PTPRD: variants seen among roughly 807,000 people sequenced by gnomAD.
PTPRD encodes receptor-type tyrosine-protein phosphatase delta.
In PTPRD, 34 loss-of-function variants were observed where a neutral mutation model predicts 214.5. The ratio of observed to expected loss-of-function variants is 0.16; its 90% CI spans 0.12 to 0.21. The LOEUF is 0.21. Among genes scored for constraint, PTPRD ranks in the 10% least tolerant of loss-of-function variants. The pLI is 1.00. For synonymous variants in PTPRD, 1,128 were observed against 845.7 expected, an observed-to-expected ratio of 1.33 and a Z score of -5.79; for missense variants, 2,545 against 2,398.7, an observed-to-expected ratio of 1.06 and a Z score of -1.27.
chr9:8,677,175 A>C (rs1344198254), intron 12 of PTPRD, among the ~76,000 whole-genome samples: 1 of 152,194 alleles, frequency 6.6e-6, no homozygotes, highest in East Asian at 1.9e-4. Context: ...CTAAACTGGA[A>C]ATCTCAACAA....
chr9:9,978,024 G>A (rs546864975), intron 4 of PTPRD, among the ~76,000 whole-genome samples: 1 of 151,860 alleles, frequency 6.6e-6, no homozygotes, highest in African/African-American at 2.4e-5. Context: ...AAGTCAAAGA[G>A]AACTATCAAA....
chr9:9,820,342 G>C (rs1338301098), intron 5 of PTPRD, among the ~76,000 whole-genome samples: 2 of 151,814 alleles, frequency 1.3e-5, no homozygotes, highest in Non-Finnish European at 2.9e-5. Context: ...GGCTGTTTTT[G>C]GTTGTTCAAT....
At chr9:8,979,329 G>T (rs531701109) in intron 11 of PTPRD, among the ~76,000 whole-genome samples, 129 of 152,180 alleles carry the variant, frequency 8.5e-4, no homozygotes, top group Non-Finnish European at 1.3e-3. Flanking sequence ...ATTGGGCTTG[G>T]CAATGGTTTT....
At chr9:10,340,549 T>A (rs2096919660) in intron 3 of PTPRD, among the ~76,000 whole-genome samples, 1 of 151,930 alleles carries the variant, frequency 6.6e-6, no homozygotes, top group South Asian at 2.1e-4. Context: ...AATTAAAAAC[T>A]AGCTCAGATA....
intron 8 of PTPRD, among the ~76,000 whole-genome samples, chr9:9,507,805 T>C (rs1464179944): frequency 6.6e-6 from 1 of 151,454 alleles, no homozygotes; most frequent in Non-Finnish European, 1.5e-5. Flanking sequence ...TGATTTAAGA[T>C]ATAGACTCAT....
intron 10 of PTPRD, among the ~76,000 whole-genome samples, chr9:9,026,016 T>C (rs913604342): frequency 2.0e-5 from 3 of 151,548 alleles, no homozygotes; most frequent in African/African-American, 7.3e-5. Context: ...AGAAAGACAG[T>C]TGGATGGATG....
Position 8,733,924 on chromosome 9 carries a change from T to C in PTPRD, c.-81A>G. 1.4e-6 allele frequency: 2 copies of C among 1,409,782 alleles called. No individual in the cohort carries two copies. The highest frequency in any genetic ancestry group is 1.9e-6 in the Non-Finnish European group (2 of 1,027,558). 87.3% of individuals were successfully genotyped at this position (1,409,782 alleles called of 1,614,324 possible). A position where few individuals can be genotyped will look rare whatever the true frequency, so the allele number is the denominator to read the frequency against. On this transcript the variant is annotated 5_prime_UTR_variant, in exon 12 of 46. Coordinates refer to ENST00000381196, the MANE Select transcript of PTPRD (RefSeq NM_002839.4). ...GCAGCGAGTCTGTCCGATCTGAAATTTCAGCTGGAACACTTTCAGAGCCTG... is the reference window on the plus strand; with the variant it reads ...GCAGCGAGTCTGTCCGATCTGAAATCTCAGCTGGAACACTTTCAGAGCCTG...
chr9:8,755,523 C>G (rs2093924975), intron 11 of PTPRD, among the ~76,000 whole-genome samples: 1 of 136,974 alleles, frequency 7.3e-6, no homozygotes. Flanking sequence ...GAGTGAAACT[C>G]TGTCTCAAAA....
intron 43 of PTPRD, among the ~76,000 whole-genome samples, chr9:8,337,828 T>G (rs1848484212): frequency 6.6e-6 from 1 of 152,098 alleles, no homozygotes. Context: ...AAATGCACTT[T>G]CTATTTTCAC....
At chr9:10,000,787 AC>A (rs1458933198) in intron 4 of PTPRD, among the ~76,000 whole-genome samples, 2 of 152,072 alleles carry the variant, frequency 1.3e-5, no homozygotes, top group Non-Finnish European at 2.9e-5. Context: ...GGTGATTCTC[AC>A]CCTTTTCTTG....
At chr9:9,357,903 G>A (rs1173699584) in intron 9 of PTPRD, among the ~76,000 whole-genome samples, 5 of 150,782 alleles carry the variant, frequency 3.3e-5, no homozygotes, top group African/African-American at 1.2e-4. Flanking sequence ...CCATTTCTCT[G>A]TTCTCTATTT....
At chr9:9,752,980 T>C (rs1320134799) in intron 6 of PTPRD, among the ~76,000 whole-genome samples, 1 of 152,110 alleles carries the variant, frequency 6.6e-6, no homozygotes, top group Non-Finnish European at 1.5e-5. Context: ...ACTTGTTCTC[T>C]ACTTAACAAC....
chr9:9,273,981 A>G (rs1594950714), intron 9 of PTPRD, among the ~76,000 whole-genome samples: 1 of 151,198 alleles, frequency 6.6e-6, no homozygotes, highest in Non-Finnish European at 1.5e-5. Context: ...ATTTTTTTCT[A>G]CCTTACATCC....
At chr9:10,107,882 T>G (rs1021396680) in intron 3 of PTPRD, among the ~76,000 whole-genome samples, 1 of 152,146 alleles carries the variant, frequency 6.6e-6, no homozygotes, top group Admixed American at 6.5e-5. Flanking sequence ...CTTCCTTAGT[T>G]CAACATACTC....
At chr9:8,502,732 C>A (rs977309894) in intron 23 of PTPRD, among the ~76,000 whole-genome samples, 4 of 151,636 alleles carry the variant, frequency 2.6e-5, no homozygotes, top group Non-Finnish European at 4.4e-5. Flanking sequence ...ATCTTCAGAC[C>A]TCCTATTTTG....
chr9:9,612,340 C>T (rs2094557900), intron 7 of PTPRD, among the ~76,000 whole-genome samples: 1 of 152,108 alleles, frequency 6.6e-6, no homozygotes, highest in South Asian at 2.1e-4. Flanking sequence ...TCTGCCCTGC[C>T]ACCCCACGAC....
chr9:8,374,114 C>CTGTGTGTGTGTGTGTGTG (rs6150905), intron 39 of PTPRD, among the ~76,000 whole-genome samples: 1 of 142,800 alleles, frequency 7.0e-6, no homozygotes, highest in Non-Finnish European at 1.6e-5. Flanking sequence ...ACACACGTGT[C>CTGTGTGTGTGTGTGTGTG]TGTGTGTGTG....
At chr9:10,273,018 A>T (rs1262001923) in intron 3 of PTPRD, among the ~76,000 whole-genome samples, 1 of 152,196 alleles carries the variant, frequency 6.6e-6, no homozygotes, top group East Asian at 1.9e-4. Context: ...CCCACAGGAA[A>T]AATTGGCTTT....
intron 9 of PTPRD, among the ~76,000 whole-genome samples, chr9:9,353,348 G>A (rs907976808): frequency 6.6e-6 from 1 of 151,766 alleles, no homozygotes; most frequent in Non-Finnish European, 1.5e-5. Context: ...CAGAACTATT[G>A]AACTACAGAA....
Sources: gnomAD v4.1 joint callset for allele counts (sites outside exome capture counted in the v4.1 genomes callset) on GRCh38, gnomAD v4.1.1 for gene constraint, MANE v1.5 for transcripts, NCBI Gene and HGNC (gene_info 2026-07-23, HGNC 2026-07-21) for gene names.